NCOA1: variants seen among roughly 807,000 people sequenced by gnomAD.
NCOA1 encodes Hin-2 protein.
Under a neutral mutation model 150.9 loss-of-function variants are expected in NCOA1, and 35 were observed. The ratio of observed to expected loss-of-function variants is 0.23; its 90% CI spans 0.18 to 0.31. NCOA1 has a LOEUF of 0.31. NCOA1 is among the 10% of genes least tolerant of loss of function. The probability of loss-of-function intolerance (pLI) is 1.00; values close to 1 mark genes in which losing one functional copy is unlikely to be tolerated. For synonymous variants in NCOA1, 590 were observed against 630.0 expected (o/e 0.94, Z 0.95); for missense variants, 1,491 against 1,749.3 (o/e 0.85, Z 2.63).
At chr2:24,642,099 T>G (rs1161666439) in intron 3 of NCOA1, among the ~76,000 whole-genome samples, 1 of 149,924 alleles carries the variant, frequency 6.7e-6, no homozygotes, top group Non-Finnish European at 1.5e-5. Flanking sequence ...GTATGTGTGG[T>G]TGTGTGGTTT....
intron 19 of NCOA1, among the ~76,000 whole-genome samples, chr2:24,749,393 A>G (rs541987214): frequency 6.6e-5 from 10 of 152,332 alleles, no homozygotes; most frequent in East Asian, 3.9e-4. Flanking sequence ...GTCCCATTCA[A>G]GTCTTCAGCT....
intron 14 of NCOA1, among the ~76,000 whole-genome samples, chr2:24,712,766 G>A (rs1271658134): frequency 1.3e-5 from 2 of 151,250 alleles, no homozygotes; most frequent in Non-Finnish European, 2.9e-5. Flanking sequence ...AAAACTCTTG[G>A]AAATTAGGTA....
At chr2:24,504,197 G>T (rs946451903) in intron 1 of NCOA1, among the ~76,000 whole-genome samples, 1 of 152,220 alleles carries the variant, frequency 6.6e-6, no homozygotes, top group Non-Finnish European at 1.5e-5. Flanking sequence ...AGGCTTTCTA[G>T]AGGAAGTGGA....
At chr2:24,553,483 G>T (rs1572412280) in intron 1 of NCOA1, among the ~76,000 whole-genome samples, 1 of 152,298 alleles carries the variant, frequency 6.6e-6, no homozygotes, top group East Asian at 1.9e-4. Context: ...CTCCCAAAGT[G>T]CAGGGATTAC....
intron 1 of NCOA1, among the ~76,000 whole-genome samples, chr2:24,556,460 G>T (rs1666079273): frequency 6.6e-6 from 1 of 152,170 alleles, no homozygotes; most frequent in Admixed American, 6.5e-5. Flanking sequence ...ACATACGCTT[G>T]CATGTTTATG....
intron 2 of NCOA1, among the ~76,000 whole-genome samples, chr2:24,571,034 G>T (rs972772915): frequency 6.6e-6 from 1 of 152,184 alleles, no homozygotes; most frequent in Non-Finnish European, 1.5e-5. Context: ...ATAGTATGTA[G>T]TTATGTATTT....
chr2:24,596,669 A>G (rs1293544539), intron 3 of NCOA1, among the ~76,000 whole-genome samples: 2 of 152,196 alleles, frequency 1.3e-5, no homozygotes, highest in East Asian at 3.8e-4. Context: ...ATACTTAACA[A>G]ATGCAAAGGC....
At chr2:24,663,619 T>A (rs1671283510) in intron 5 of NCOA1, among the ~76,000 whole-genome samples, 1 of 152,204 alleles carries the variant, frequency 6.6e-6, no homozygotes, top group Non-Finnish European at 1.5e-5. Flanking sequence ...AGAAATATAG[T>A]TGACCCGGAG....
At chr2:24,576,786 CTG>C (rs1448217115) in intron 2 of NCOA1, among the ~76,000 whole-genome samples, 1 of 152,164 alleles carries the variant, frequency 6.6e-6, no homozygotes, top group Non-Finnish European at 1.5e-5. Context: ...CCCTAGTTGT[CTG>C]TGGTCCAAAC....
intron 1 of NCOA1, among the ~76,000 whole-genome samples, chr2:24,511,520 C>T (rs1345691778): frequency 6.6e-6 from 1 of 152,168 alleles, no homozygotes; most frequent in African/African-American, 2.4e-5. Flanking sequence ...GCCATTTGTA[C>T]ATTTTCCTTG....
At chr2:24,722,445 A>T (rs1012576537) in intron 14 of NCOA1, among the ~76,000 whole-genome samples, 1 of 152,176 alleles carries the variant, frequency 6.6e-6, no homozygotes, top group African/African-American at 2.4e-5. Context: ...ACTTTTGAAA[A>T]TTTCCAGTCA....
At chr2:24,762,640 G>C in intron 21 of NCOA1, 47 bp from the exon 22 acceptor site, 6 of 1,558,758 alleles carry the variant, frequency 3.8e-6, no homozygotes, top group Non-Finnish European at 5.3e-6. Context: ...TTGGTTTTCA[G>C]TTTAAACAAC....
At chr2:24,497,073 T>C (rs1359622492) in intron 1 of NCOA1, among the ~76,000 whole-genome samples, 3 of 152,140 alleles carry the variant, frequency 2.0e-5, no homozygotes, top group African/African-American at 4.8e-5. Context: ...CTGTGCTAGC[T>C]CTACATATTA....
rs903716930 is a variant in NCOA1, at chr2:24,552,614, C to T, written c.-395-11681C>T. On this transcript the variant is annotated intron_variant, in intron 1 of 22. Transcript: ENST00000348332. Reference sequence around the variant, plus strand: ...TCTCCTGACCTCGTCATCTGCCTGCCTTGGCCTCCCAAAGTGCTGGGATTA... The same window carrying T: ...TCTCCTGACCTCGTCATCTGCCTGCTTTGGCCTCCCAAAGTGCTGGGATTA... Among the ~76,000 whole-genome samples, 5 of 151,870 alleles carry T rather than the reference C, an allele frequency of 3.3e-5. No individual in the cohort carries two copies. In the South Asian group the frequency reaches 1.0e-3, roughly 32 times the overall value.
chr2:24,569,682 CAAT>C (rs1295532842), intron 2 of NCOA1, among the ~76,000 whole-genome samples: 1 of 145,544 alleles, frequency 6.9e-6, no homozygotes, highest in Non-Finnish European at 1.5e-5. Context: ...CCAACCTGGC[CAAT>C]GTGGTGAAAC....
At chr2:24,728,791 A>G (rs991729049) in intron 16 of NCOA1, among the ~76,000 whole-genome samples, 1 of 152,224 alleles carries the variant, frequency 6.6e-6, no homozygotes, top group Non-Finnish European at 1.5e-5. Flanking sequence ...TTCTGCCAGT[A>G]TATTCCATGG....
intron 1 of NCOA1, among the ~76,000 whole-genome samples, chr2:24,563,462 C>T (rs1264873260): frequency 6.6e-6 from 1 of 151,926 alleles, no homozygotes; most frequent in African/African-American, 2.4e-5. Flanking sequence ...AAAGCTTAAC[C>T]CTGGGTGGTA....
intron 4 of NCOA1, among the ~76,000 whole-genome samples, chr2:24,646,594 A>G (rs1670484008): frequency 6.6e-6 from 1 of 152,020 alleles, no homozygotes; most frequent in South Asian, 2.1e-4. Flanking sequence ...AGTACAGGTC[A>G]GCTATTTTGT....
chr2:24,695,594 C>A (rs1672861782), intron 10 of NCOA1, among the ~76,000 whole-genome samples: 1 of 151,972 alleles, frequency 6.6e-6, no homozygotes. Context: ...AAATGTTAAA[C>A]ATTTAATTTC....
Sources: gnomAD v4.1 joint callset for allele counts (sites outside exome capture counted in the v4.1 genomes callset) on GRCh38, gnomAD v4.1.1 for gene constraint, MANE v1.5 for transcripts, NCBI Gene and HGNC (gene_info 2026-07-23, HGNC 2026-07-21) for gene names.